PHKB: variants seen among roughly 807,000 people sequenced by gnomAD.
PHKB encodes the protein phosphorylase kinase regulatory subunit beta, also known as phosphorylase b kinase regulatory subunit beta.
A neutral mutation model predicts 152.1 loss-of-function variants in PHKB; 122 were observed. The observed-to-expected ratio is 0.80, with a 90% CI of 0.69 to 0.93. PHKB has a LOEUF of 0.93. PHKB is among the 40% of genes least tolerant of loss of function. The pLI, the probability that PHKB is intolerant of heterozygous loss-of-function variation, is 0.00. For missense variants in PHKB, 1,304 were observed against 1,328.4 expected (o/e 0.98, Z 0.29); for synonymous variants, 436 against 464.9 (o/e 0.94, Z 0.80).
Position 47,660,137 on chromosome 16 carries a change from C to T in PHKB, c.1972-369C>T, listed in dbSNP as rs112863998. 7.3e-4 allele frequency among the ~76,000 whole-genome samples: 111 copies of T among 152,278 alleles called. 2 individuals are homozygous for T. The highest frequency in any genetic ancestry group is 2.5e-3 in the African/African-American group (104 of 41,574). On this transcript the variant is annotated intron_variant, in intron 20 of 30. Coordinates refer to ENST00000323584, the MANE Select transcript of PHKB (RefSeq NM_000293.3). Reference sequence around the variant, plus strand: ...TTGACACCCCAAAGTGCTGGGATTACGGGCATGAGCCACTGCACCCTGTCA... The same window carrying T: ...TTGACACCCCAAAGTGCTGGGATTATGGGCATGAGCCACTGCACCCTGTCA...
chr16:47,652,202 A>G (rs1340043186), intron 20 of PHKB, among the ~76,000 whole-genome samples: 2 of 151,894 alleles, frequency 1.3e-5, no homozygotes, highest in Non-Finnish European at 2.9e-5. Context: ...GCTTGGGTAC[A>G]AAGATTCTTT....
At chr16:47,566,008 A>G in intron 7 of PHKB, 1 of 728,296 alleles carries the variant, frequency 1.4e-6, no homozygotes, top group South Asian at 1.7e-5. Context: ...CTGTTGGATC[A>G]GTCTTCATCA....
Position 47,701,119 on chromosome 16 carries a change from G to T in PHKB, c.*1753G>T, listed in dbSNP as rs7202866. 1.3e-5 allele frequency: 2 copies of T among 152,184 alleles called. No individual in the cohort carries two copies. The highest frequency in any genetic ancestry group is 6.5e-5 in the Admixed American group (1 of 15,278). The allele number at this position is 152,184 out of a possible 1,614,324, so 9.4% of individuals were successfully genotyped here. A position where few individuals can be genotyped will look rare whatever the true frequency, so the allele number is the denominator to read the frequency against. ...TGTAAAACTAATGCCTGAAAAAAACGTAAGCATGAAGTCCATGGAGAGGGA... is the reference window on the plus strand; with the variant it reads ...TGTAAAACTAATGCCTGAAAAAAACTTAAGCATGAAGTCCATGGAGAGGGA... On this transcript the variant is annotated 3_prime_UTR_variant, in exon 31 of 31. Coordinates refer to ENST00000323584, the MANE Select transcript of PHKB (RefSeq NM_000293.3).
At chr16:47,467,516 T>G (rs1490893199) in intron 1 of PHKB, among the ~76,000 whole-genome samples, 1 of 152,220 alleles carries the variant, frequency 6.6e-6, no homozygotes, top group Admixed American at 6.5e-5. Context: ...GTCTCAGATA[T>G]GCACTGTGCT....
intron 1 of PHKB, among the ~76,000 whole-genome samples, chr16:47,491,998 G>A (rs1257451385): frequency 6.6e-6 from 1 of 152,122 alleles, no homozygotes; most frequent in East Asian, 1.9e-4. Context: ...TGATATTTCT[G>A]GCTTTCAAAC....
At chr16:47,471,869 C>T (rs549332126) in intron 1 of PHKB, among the ~76,000 whole-genome samples, 2 of 152,244 alleles carry the variant, frequency 1.3e-5, no homozygotes, top group African/African-American at 2.4e-5. Context: ...CCCTGGCTAA[C>T]GTGGTGAAAC....
At chr16:47,480,254 C>T (rs547596519) in intron 1 of PHKB, among the ~76,000 whole-genome samples, 24 of 152,218 alleles carry the variant, frequency 1.6e-4, no homozygotes, top group Non-Finnish European at 3.2e-4. Context: ...AGCTGATTTC[C>T]GCCCGAGTCC....
At chr16:47,495,374 T>G (rs1476618364) in intron 1 of PHKB, among the ~76,000 whole-genome samples, 1 of 152,148 alleles carries the variant, frequency 6.6e-6, no homozygotes, top group African/African-American at 2.4e-5. Context: ...AGTTTGCATA[T>G]TCTATATCCA....
chr16:47,698,600 G>GATT lies in PHKB; in HGVS notation c.3144+12_3144+13insATT. The GATT allele has an allele frequency of 1.4e-6, 1 of 697,572 alleles. No homozygotes were observed. Among genetic ancestry groups the GATT allele is most frequent in the Non-Finnish European group, 1.9e-6 (1 of 516,800 alleles). The allele number at this position is 697,572 out of a possible 1,614,324, so 43.2% of individuals were successfully genotyped here. Reference sequence around the variant, plus strand: ...AAATTGAAAAACAAGTAAGTACACAGCTTTTTTTTTTTTTTTTTTTTTGAG... The same window carrying GATT: ...AAATTGAAAAACAAGTAAGTACACAGATTCTTTTTTTTTTTTTTTTTTTTTGAG... On this transcript the variant is annotated intron_variant, in intron 30 of 30. Transcript: ENST00000323584.
chr16:47,461,408 G>T lies in PHKB; in HGVS notation c.58G>T (p.Ala20Ser), dbSNP rs1420778214. Residue 20 changes from alanine (A) to serine (S), a missense_variant, in exon 1 of 31, where the codon GCT becomes TCT. Transcript: ENST00000323584. ...EVSWKVLERRARTKRSGSVYE... is the reference protein window; with the variant it reads ...EVSWKVLERRSRTKRSGSVYE... ...GAGCTGGAAGGTCTTGGAGCGAAGA[G>T]CTCGGACCAAGCGCTCAGGTTTGGC... 6.8e-6 allele frequency: 11 copies of T among 1,613,192 alleles called. No homozygotes were observed. The highest frequency in any genetic ancestry group is 1.3e-5 in the African/African-American group (1 of 74,924).
intron 7 of PHKB, among the ~76,000 whole-genome samples, chr16:47,554,538 G>A (rs558725740): frequency 1.4e-4 from 20 of 144,236 alleles, no homozygotes; most frequent in Middle Eastern, 3.5e-3. Flanking sequence ...TTCTGTCTCC[G>A]CGGAGTTCCA....
At chr16:47,548,606 C>CA (rs11333810) in intron 7 of PHKB, among the ~76,000 whole-genome samples, 1,304 of 83,328 alleles carry the variant, frequency 0.016, 16 homozygotes, top group African/African-American at 0.016. Flanking sequence ...GACTCCGTCT[C>CA]AAAAAAAAAA....
chr16:47,507,625 T>C (rs925700526), intron 4 of PHKB, among the ~76,000 whole-genome samples: 4 of 151,510 alleles, frequency 2.6e-5, no homozygotes, highest in African/African-American at 9.7e-5. Flanking sequence ...CCCAAAGTGC[T>C]AGGATTACAG....
chr16:47,564,950 CTG>C (rs1315439931), intron 7 of PHKB: 1 of 250,716 alleles, frequency 4.0e-6, no homozygotes, highest in Non-Finnish European at 7.8e-6. Context: ...TTCCATTGGT[CTG>C]TGTGTCTTTT....
At chr16:47,635,559 C>T (rs1972904270) in intron 14 of PHKB, among the ~76,000 whole-genome samples, 1 of 152,146 alleles carries the variant, frequency 6.6e-6, no homozygotes, top group Non-Finnish European at 1.5e-5. Context: ...CTTTGGGAGT[C>T]AGTAGATTTA....
At position 47,470,899 on chromosome 16, in the gene PHKB, G is replaced by A. The variant is rs1969755179; in HGVS notation, c.76+9473G>A. Among the ~76,000 whole-genome samples, 3 of 152,184 alleles carry A rather than the reference G, an allele frequency of 2.0e-5. No homozygotes were observed. The South Asian group carries it at 6.2e-4, about 32-fold the overall frequency. On this transcript the variant is annotated intron_variant, in intron 1 of 30. Transcript: ENST00000323584. ...CTGATGGAATTTATGCAGAACTCAA[G>A]GCGACCAGTGCTTTTGTATACATTC...
rs201663546 is a variant in PHKB at position 47,681,353 on chromosome 16, A to T, written c.2631-7688A>T. On this transcript the variant is annotated intron_variant, in intron 26 of 30. Coordinates refer to ENST00000323584, the MANE Select transcript of PHKB (RefSeq NM_000293.3). ...TAACTTTCTGTCTCGTTGATCTGTCAAATGTTGACAGTGGGGTGTTAAAGT... is the reference window on the plus strand; with the variant it reads ...TAACTTTCTGTCTCGTTGATCTGTCTAATGTTGACAGTGGGGTGTTAAAGT... Among the ~76,000 whole-genome samples, 4 of 148,282 alleles carry T rather than the reference A, an allele frequency of 2.7e-5. 1 individual carries two copies. Among genetic ancestry groups the T allele is most frequent in the East Asian group, 2.0e-4 (1 of 4,982 alleles).
rs1043755350 is a variant in PHKB, at chr16:47,689,077, C to A, written c.2667C>A (p.Ile889=). Residue 889 remains isoleucine (I), a synonymous_variant, in exon 27 of 31, where the codon ATC becomes ATA. Coordinates refer to ENST00000323584, the MANE Select transcript of PHKB (RefSeq NM_000293.3). ...ATGCCATGGAGTATGAACTTCAGAT[C>A]CGTGGCGGAGACAAGCCAGCCTTGG... ...IIHAMEYELQ[I]RGGDKPALDL... 1.9e-6 allele frequency: 3 copies of A among 1,613,876 alleles called. No homozygotes were observed. In the African/African-American group the frequency reaches 4.0e-5, roughly 22 times the overall value.
intron 7 of PHKB, chr16:47,565,602 G>A: frequency 1.9e-6 from 2 of 1,058,646 alleles, no homozygotes; most frequent in East Asian, 2.4e-5. Flanking sequence ...TCTCCCTCGT[G>A]CATTTCTGCC....
Sources: allele counts gnomAD v4.1 joint callset (sites outside exome capture counted in the v4.1 genomes callset), GRCh38; gene constraint gnomAD v4.1.1; transcripts MANE v1.5; gene names NCBI Gene and HGNC (gene_info 2026-07-23, HGNC 2026-07-21).